The following RBFOX1 variants were observed in gnomAD, a reference collection of about 807,000 sequenced individuals.
The protein encoded by RBFOX1 is RNA binding fox-1 homolog 1.
RBFOX1 carries 8 observed loss-of-function variants against 57.7 expected under a neutral mutation model. The observed-to-expected ratio is 0.14, with a 90% CI of 0.08 to 0.25. RBFOX1 has a LOEUF of 0.25. RBFOX1 is among the 10% of genes least tolerant of loss of function. RBFOX1 has a pLI of 1.00. For missense variants in RBFOX1, 611 were observed against 548.5 expected, an observed-to-expected ratio of 1.11 and a Z score of -1.14; for synonymous variants, 326 against 222.4, an observed-to-expected ratio of 1.47 and a Z score of -4.15.
At chr16:5,274,360 G>A (rs2063090017) in intron 1 of RBFOX1, among the ~76,000 whole-genome samples, 1 of 151,958 alleles carries the variant, frequency 6.6e-6, no homozygotes, top group Admixed American at 6.6e-5. Flanking sequence ...GAAACCGTTT[G>A]TCTACTAAAA....
chr16:7,473,461 G>T (rs2061978798), intron 4 of RBFOX1, among the ~76,000 whole-genome samples: 1 of 146,776 alleles, frequency 6.8e-6, no homozygotes, highest in African/African-American at 2.5e-5. Flanking sequence ...TGTATTCAAG[G>T]TCCTTTATAC....
At chr16:6,192,444 T>G (rs977090261) in intron 1 of RBFOX1, among the ~76,000 whole-genome samples, 1 of 152,102 alleles carries the variant, frequency 6.6e-6, no homozygotes, top group African/African-American at 2.4e-5. Context: ...TCTACCTCCC[T>G]CATTTCTTCT....
At chr16:5,793,666 C>G (rs1236174920) in intron 3 of RBFOX1, among the ~76,000 whole-genome samples, 1 of 152,222 alleles carries the variant, frequency 6.6e-6, no homozygotes. Context: ...GCAGGGGATG[C>G]TGGAGGGCCC....
At chr16:6,303,265 G>A (rs980126036) in intron 1 of RBFOX1, among the ~76,000 whole-genome samples, 4 of 152,134 alleles carry the variant, frequency 2.6e-5, no homozygotes, top group African/African-American at 7.2e-5. Flanking sequence ...TTTTCGTTCT[G>A]AGACATCTTC....
chr16:6,637,197 TTATATATTA>T (rs1204361576), intron 2 of RBFOX1, among the ~76,000 whole-genome samples: 1 of 73,560 alleles, frequency 1.4e-5, no homozygotes, highest in African/African-American at 6.1e-5. Flanking sequence ...ACAATATATA[TTATATATTA>T]TATATATTAT....
intron 15 of RBFOX1, chr16:7,710,208 T>A (rs934625298): frequency 2.4e-5 from 25 of 1,035,114 alleles, no homozygotes; most frequent in Non-Finnish European, 2.7e-5. Context: ...GAGATTTTCA[T>A]CCCAATTCTG....
intron 2 of RBFOX1, among the ~76,000 whole-genome samples, chr16:6,499,718 T>G (rs1397817246): frequency 6.6e-6 from 1 of 152,118 alleles, no homozygotes; most frequent in Admixed American, 6.6e-5. Context: ...TCCCCCTGAT[T>G]TATTGTGCAA....
chr16:5,530,609 C>T (rs913324285), intron 2 of RBFOX1, among the ~76,000 whole-genome samples: 22 of 152,274 alleles, frequency 1.4e-4, no homozygotes, highest in African/African-American at 5.1e-4. Context: ...GGGTGATATT[C>T]TGTGCATTGT....
chr16:7,053,592 C>T (rs954593647), intron 4 of RBFOX1, among the ~76,000 whole-genome samples: 7 of 152,174 alleles, frequency 4.6e-5, no homozygotes, highest in African/African-American at 1.7e-4. Context: ...TTGCAAATGA[C>T]ACTTGCTTGG....
At chr16:5,387,732 C>G (rs1361101311) in intron 1 of RBFOX1, among the ~76,000 whole-genome samples, 2 of 152,178 alleles carry the variant, frequency 1.3e-5, no homozygotes, top group Non-Finnish European at 2.9e-5. Context: ...ACATCCTAAT[C>G]TCTGCAACCT....
chr16:6,919,205 A>C (rs570873298), intron 3 of RBFOX1, among the ~76,000 whole-genome samples: 2 of 149,728 alleles, frequency 1.3e-5, no homozygotes, highest in Non-Finnish European at 3.0e-5. Flanking sequence ...CTGGTCTTGA[A>C]CTCCTGACCT....
chr16:5,274,075 C>A (rs1383840803), intron 1 of RBFOX1, among the ~76,000 whole-genome samples: 6 of 152,176 alleles, frequency 3.9e-5, no homozygotes, highest in Non-Finnish European at 5.9e-5. Flanking sequence ...GGTTTTCGCT[C>A]TTAAACCTGG....
intron 3 of RBFOX1, among the ~76,000 whole-genome samples, chr16:5,814,994 T>A (rs1392548178): frequency 6.6e-6 from 1 of 151,708 alleles, no homozygotes; most frequent in East Asian, 1.9e-4. Context: ...TTTCTTTCTT[T>A]TTTTTTTTAA....
chr16:6,231,616 T>C (rs1047888311), intron 1 of RBFOX1, among the ~76,000 whole-genome samples: 2 of 152,186 alleles, frequency 1.3e-5, no homozygotes, highest in Admixed American at 6.5e-5. Flanking sequence ...TTCTGAATGG[T>C]TGATGAGAGC....
chr16:5,767,680 C>T (rs919388204), intron 3 of RBFOX1, among the ~76,000 whole-genome samples: 7 of 152,116 alleles, frequency 4.6e-5, no homozygotes, highest in African/African-American at 9.7e-5. Flanking sequence ...GGTGGCTTTC[C>T]AATGGACTCC....
At chr16:6,868,596 T>C (rs1045211858) in intron 3 of RBFOX1, among the ~76,000 whole-genome samples, 3 of 152,082 alleles carry the variant, frequency 2.0e-5, no homozygotes, top group East Asian at 1.9e-4. Context: ...TTTAGCGTCC[T>C]GAGTAGCTGG....
At chr16:5,734,944 G>C (rs780885584) in intron 3 of RBFOX1, among the ~76,000 whole-genome samples, 80 of 152,274 alleles carry the variant, frequency 5.3e-4, no homozygotes, top group Non-Finnish European at 1.0e-3. Context: ...GCATATAGTA[G>C]ATGTGCAGAT....
chr16:6,024,814 A>T (rs2095156038), intron 1 of RBFOX1, among the ~76,000 whole-genome samples: 2 of 152,206 alleles, frequency 1.3e-5, no homozygotes, highest in African/African-American at 4.8e-5. Flanking sequence ...TGAATTCCTG[A>T]GTGTTCATCA....
chr16:7,279,176 T>G (rs1461333184), intron 4 of RBFOX1, among the ~76,000 whole-genome samples: 6 of 151,560 alleles, frequency 4.0e-5, no homozygotes, highest in Admixed American at 3.9e-4. Context: ...GGGGACCCCA[T>G]GCTGAGTGCC....
Sources: gnomAD v4.1 joint callset for allele counts (sites outside exome capture counted in the v4.1 genomes callset) on GRCh38, gnomAD v4.1.1 for gene constraint, MANE v1.5 for transcripts, NCBI Gene and HGNC (gene_info 2026-07-23, HGNC 2026-07-21) for gene names.